CCNJL: variants seen among roughly 807,000 people sequenced by gnomAD.
The protein encoded by CCNJL is cyclin-J-like protein.
A neutral mutation model predicts 33.4 loss-of-function variants in CCNJL; 33 were observed. The observed-to-expected ratio is 0.99, with a 90% confidence interval of 0.75 to 1.32. CCNJL has a LOEUF of 1.32. Among genes scored for constraint, CCNJL ranks in the 40% most tolerant of loss-of-function variants. CCNJL has a pLI of 0.00. For missense variants in CCNJL, 512 were observed against 499.7 expected, an observed-to-expected ratio of 1.02 and a Z score of -0.23; for synonymous variants, 227 against 220.9, an observed-to-expected ratio of 1.03 and a Z score of -0.24.
chr5:160,335,749 ATTT>A (rs70990725), intron 1 of CCNJL, among the ~76,000 whole-genome samples: 1 of 140,754 alleles, frequency 7.1e-6, no homozygotes, highest in Non-Finnish European at 1.5e-5. Flanking sequence ...TTTTTTTGAA[ATTT>A]TTTTTTTTTT....
intron 5 of CCNJL, 74 bp downstream of exon 5, chr5:160,255,475 G>A (rs1373483490): frequency 9.1e-6 from 13 of 1,425,284 alleles, no homozygotes; most frequent in South Asian, 6.1e-5. Context: ...GAAACTGCCC[G>A]TGGCCTGAGG....
chr5:160,267,212 T>C (rs1761633450), intron 3 of CCNJL, among the ~76,000 whole-genome samples: 1 of 152,148 alleles, frequency 6.6e-6, no homozygotes, highest in African/African-American at 2.4e-5. Context: ...ATCTATTTAC[T>C]GCAGGGTTGG....
intron 1 of CCNJL, among the ~76,000 whole-genome samples, chr5:160,323,199 C>T (rs903583252): frequency 1.3e-5 from 2 of 150,334 alleles, no homozygotes; most frequent in African/African-American, 4.9e-5. Flanking sequence ...CGTGACACTG[C>T]ACTCCAGCCT....
intron 4 of CCNJL, among the ~76,000 whole-genome samples, chr5:160,256,609 CTGT>C (rs1374254077): frequency 6.6e-6 from 1 of 152,152 alleles, no homozygotes; most frequent in African/African-American, 2.4e-5. Flanking sequence ...GTTTATTACT[CTGT>C]TGTCTTAAAT....
At chr5:160,337,513 C>T (rs1180553704) in intron 1 of CCNJL, among the ~76,000 whole-genome samples, 3 of 152,162 alleles carry the variant, frequency 2.0e-5, no homozygotes, top group South Asian at 4.1e-4. Flanking sequence ...CAGGGCCCTA[C>T]ATGATCTGGG....
intron 1 of CCNJL, among the ~76,000 whole-genome samples, chr5:160,329,408 C>T (rs1403936401): frequency 4.0e-5 from 6 of 149,248 alleles, no homozygotes; most frequent in Non-Finnish European, 8.9e-5. Flanking sequence ...TGGAGTGCAG[C>T]GGCATGATCT....
intron 5 of CCNJL, chr5:160,254,659 C>T: frequency 3.7e-6 from 1 of 268,756 alleles, no homozygotes. Flanking sequence ...GGAAGGGGAA[C>T]TGGACAGTGT....
At chr5:160,339,563 G>GCTGA in exon 1 of CCNJL, 1 of 441,072 alleles carries the variant, frequency 2.3e-6, no homozygotes, top group South Asian at 1.6e-5. Context: ...ATCCATTAGT[G>GCTGA]CTGACACAGA....
intron 3 of CCNJL, among the ~76,000 whole-genome samples, chr5:160,275,353 TGGGGTAACA>T (rs773982576): frequency 1.3e-5 from 2 of 152,176 alleles, no homozygotes; most frequent in Non-Finnish European, 2.9e-5. Flanking sequence ...CCTAAAGTGC[TGGGGTAACA>T]GGCTTGAGTC....
chr5:160,293,677 A>C (rs957385676), intron 2 of CCNJL, among the ~76,000 whole-genome samples: 3 of 152,064 alleles, frequency 2.0e-5, no homozygotes, highest in African/African-American at 7.2e-5. Context: ...TGCATTTGCT[A>C]TCTCCCCACA....
At chr5:160,301,986 TC>T (rs1235976591) in intron 2 of CCNJL, among the ~76,000 whole-genome samples, 1 of 152,180 alleles carries the variant, frequency 6.6e-6, no homozygotes, top group Non-Finnish European at 1.5e-5. Context: ...CACCTCGGCC[TC>T]CCAAAGTGCT....
rs1561763575 is a variant in CCNJL, at chr5:160,250,252, G to C, written c.*3126C>G. ...CATAGTAACAGATGGAGAAATGGAA[G>C]CCCAAAGAGGGAGGGATTTGTCCAA... On this transcript the variant is annotated 3_prime_UTR_variant, in exon 6 of 6. Transcript: ENST00000257536. 6.6e-6 allele frequency: 1 copy of C among 152,264 alleles called. No individual in the cohort carries two copies. Among genetic ancestry groups the C allele is most frequent in the South Asian group, 2.1e-4 (1 of 4,838 alleles). 9.4% of individuals were successfully genotyped at this position (152,264 alleles called of 1,614,324 possible).
At chr5:160,295,397 G>C (rs1762722166) in intron 2 of CCNJL, among the ~76,000 whole-genome samples, 1 of 151,742 alleles carries the variant, frequency 6.6e-6, no homozygotes, top group Non-Finnish European at 1.5e-5. Flanking sequence ...GCTGAGGCAG[G>C]AGATCTCTTG....
intron 5 of CCNJL, chr5:160,254,284 A>C (rs775513174): frequency 3.1e-6 from 2 of 654,118 alleles, no homozygotes; most frequent in Admixed American, 2.5e-5. Context: ...TAGCTAGCTG[A>C]TATCAACCAA....
At chr5:160,259,429 G>C (rs1351597485) in intron 4 of CCNJL, 40 bp downstream of exon 4, 5 of 1,568,786 alleles carry the variant, frequency 3.2e-6, no homozygotes, top group Non-Finnish European at 4.3e-6. Flanking sequence ...GGGTGGTGGG[G>C]AAGGGGTGGG....
Position 160,324,998 on chromosome 5 carries a change from T to C in CCNJL, n.207-9493A>G, listed in dbSNP as rs554313002. Among the ~76,000 whole-genome samples the C allele has an allele frequency of 8.5e-5, 13 of 152,328 alleles. No homozygotes were observed. The East Asian group carries it at 2.5e-3, about 29-fold the overall frequency. Reference sequence around the variant, plus strand: ...ACTTGGTGTGTGTGCTCATGGGAACTGGGTTCCAGGCCTGCCTCTGCCCTA... The same window carrying C: ...ACTTGGTGTGTGTGCTCATGGGAACCGGGTTCCAGGCCTGCCTCTGCCCTA... On this transcript the variant is annotated intron_variant and non_coding_transcript_variant, in intron 1 of 7. Coordinates refer to the CCNJL transcript ENST00000377503.
At chr5:160,304,915 G>A (rs569889646) in intron 2 of CCNJL, among the ~76,000 whole-genome samples, 13 of 151,832 alleles carry the variant, frequency 8.6e-5, no homozygotes, top group Non-Finnish European at 1.8e-4. Context: ...CCAGGTTCAA[G>A]CAATGCTCCT....
At position 160,253,478 on chromosome 5, in the gene CCNJL, A is replaced by G; in HGVS notation, c.1064T>C (p.Met355Thr). The change falls in exon 6 of 6, where the codon ATG becomes ACG. Residue 355 changes from methionine to threonine, a missense_variant. By Grantham distance (81) the Met-to-Thr change is moderately conservative. Coordinates refer to ENST00000257536, the MANE Select transcript of CCNJL (RefSeq NM_001308173.3). ...GTGCCTGGGCTCAGCTGCAATGGCCATATGCATGCTAAGGGATGCAGGGAC... is the reference window on the plus strand; with the variant it reads ...GTGCCTGGGCTCAGCTGCAATGGCCGTATGCATGCTAAGGGATGCAGGGAC... The part of the protein sequence containing the change: ...VPVPASLSMH[M>T]AIAAEPRHCL... The G allele has an allele frequency of 6.2e-7, 1 of 1,614,060 alleles. No individual in the cohort carries two copies. Among genetic ancestry groups the G allele is most frequent in the Non-Finnish European group, 8.5e-7 (1 of 1,179,988 alleles).
rs1313634515 is a variant in CCNJL at position 160,290,265 on chromosome 5, A to G, written c.67-9527T>C. Among the ~76,000 whole-genome samples the G allele has an allele frequency of 2.7e-5, 4 of 149,700 alleles. No individual in the cohort carries two copies. The South Asian group carries it at 6.3e-4, about 24-fold the overall frequency. On this transcript the variant is annotated intron_variant, in intron 2 of 5. Transcript: ENST00000257536. ...CTTAAAAGTCACTTCTTTTTTTTCT[A>G]TTTATTTAATTTTTTTTTTTGAGAC...
Sources: gnomAD v4.1 joint callset for allele counts (sites outside exome capture counted in the v4.1 genomes callset) on GRCh38, gnomAD v4.1.1 for gene constraint, MANE v1.5 for transcripts, NCBI Gene and HGNC (gene_info 2026-07-23, HGNC 2026-07-21) for gene names.